The following VCL variants were observed in gnomAD, a reference collection of about 807,000 sequenced individuals.
The protein encoded by VCL is vinculin.
VCL carries 47 observed loss-of-function variants against 125.7 expected under a neutral mutation model. The observed-to-expected ratio is 0.37, with a 90% CI of 0.30 to 0.48. The LOEUF is 0.48. VCL is among the 20% of genes least tolerant of loss of function. The pLI, the probability that VCL is intolerant of heterozygous loss-of-function variation, is 0.99. For missense variants in VCL, 1,069 were observed against 1,455.5 expected, an observed-to-expected ratio of 0.73 and a Z score of 4.32; for synonymous variants, 458 against 514.6, an observed-to-expected ratio of 0.89 and a Z score of 1.49.
intron 16 of VCL, among the ~76,000 whole-genome samples, chr10:74,105,700 G>T (rs1490328605): frequency 6.6e-6 from 1 of 152,114 alleles, no homozygotes; most frequent in African/African-American, 2.4e-5. Flanking sequence ...GGGATTACAG[G>T]TGTGTGCCAC....
intron 8 of VCL, among the ~76,000 whole-genome samples, chr10:74,088,423 C>T (rs1020034796): frequency 2.0e-5 from 3 of 151,820 alleles, no homozygotes; most frequent in African/African-American, 4.8e-5. Context: ...TAGCTAGTTT[C>T]GATTATTTAT....
chr10:74,104,580 AAG>A (rs1264801006), intron 15 of VCL, among the ~76,000 whole-genome samples: 1 of 152,086 alleles, frequency 6.6e-6, no homozygotes, highest in Non-Finnish European at 1.5e-5. Context: ...GAGGTGTCTG[AAG>A]AGAGGTAACA....
At chr10:74,088,538 T>C (rs1035626248) in intron 8 of VCL, among the ~76,000 whole-genome samples, 11 of 152,208 alleles carry the variant, frequency 7.2e-5, no homozygotes, top group African/African-American at 2.7e-4. Flanking sequence ...TTATTGCCAG[T>C]GTTTTCAAGT....
intron 1 of VCL, among the ~76,000 whole-genome samples, chr10:74,025,695 G>GAA (rs2136236589): frequency 3.5e-5 from 4 of 114,574 alleles, no homozygotes; most frequent in Admixed American, 1.8e-4. Context: ...AGGGAGGGAG[G>GAA]GAGGAAGGAA....
At chr10:74,017,501 T>A (rs1840571441) in intron 1 of VCL, among the ~76,000 whole-genome samples, 1 of 152,044 alleles carries the variant, frequency 6.6e-6, no homozygotes, top group Non-Finnish European at 1.5e-5. Flanking sequence ...TTAAGAGGCC[T>A]GAACTCTGTC....
chr10:74,042,515 G>A (rs1841113237), intron 1 of VCL, among the ~76,000 whole-genome samples: 1 of 152,068 alleles, frequency 6.6e-6, no homozygotes, highest in Non-Finnish European at 1.5e-5. Flanking sequence ...TTCCATTGTT[G>A]CATTCAGCAT....
Position 74,114,277 on chromosome 10 carries a change from CTCAT to C in VCL, c.3047_3050del (p.Ile1016SerfsTer13). 1 of 1,614,126 alleles carries C rather than the reference CTCAT, an allele frequency of 6.2e-7. No homozygotes were observed. Among genetic ancestry groups the C allele is most frequent in the African/African-American group, 1.3e-5 (1 of 75,012 alleles). On this transcript the variant is annotated frameshift_variant, in exon 20 of 22. Transcript: ENST00000211998. LOFTEE classifies it high-confidence loss of function. ...AGGGGGCAGTGGTACCAAGCGGGCA[CTCAT>C]TCAGTGTGCCAAGGACATCGCCAAG...
chr10:74,070,301 G>C (rs922693001), intron 2 of VCL, among the ~76,000 whole-genome samples: 8 of 152,170 alleles, frequency 5.3e-5, no homozygotes, highest in Non-Finnish European at 2.9e-5. Context: ...GAGGAATAAG[G>C]AAACAAAGGC....
rs936254414 is a variant in VCL at position 74,074,788 on chromosome 10, T to C, written c.668T>C (p.Ile223Thr). Reference protein sequence around the residue: ...VTTKNSKNQGIEEALKNRNFT... With the variant: ...VTTKNSKNQGTEEALKNRNFT... The stretch of plus-strand genomic sequence containing the variant: ...ACTAAAAACTCAAAAAACCAAGGCA[T>C]AGAGGAAGCTTTAAAAAATCGCAAT... The change falls in exon 6 of 22, where the codon ATA (isoleucine) becomes ACA (threonine). Residue 223 changes from isoleucine (I) to threonine (T), a missense_variant. Ile to Thr is a moderately conservative substitution (Grantham distance 89). Coordinates refer to ENST00000211998, the MANE Select transcript of VCL (RefSeq NM_014000.3). 3.1e-6 allele frequency: 5 copies of C among 1,614,098 alleles called. No individual in the cohort carries two copies. Among genetic ancestry groups the C allele is most frequent in the Admixed American group, 1.7e-5 (1 of 60,008 alleles).
At chr10:74,052,370 GTTAGT>G (rs1841315197) in intron 2 of VCL, among the ~76,000 whole-genome samples, 1 of 138,434 alleles carries the variant, frequency 7.2e-6, no homozygotes, top group Non-Finnish European at 1.6e-5. Context: ...CAATTCTTCA[GTTAGT>G]TTTTTTTTTT....
chr10:74,017,026 C>T (rs1019863414), intron 1 of VCL: 2 of 148,788 alleles, frequency 1.3e-5, no homozygotes, highest in South Asian at 2.1e-4. Context: ...CAAGTTGTAG[C>T]ATATGTCAGA....
At position 74,090,078 on chromosome 10, in the gene VCL, C is replaced by G; in HGVS notation, c.1232C>G (p.Ala411Gly). ...GAAGGAGAAGAGCAGATTCGAGGTG[C>G]TTTGGCTGAAGCTCGGAAAATAGCA... is the stretch of plus-strand genomic sequence containing the variant. ...GPEGEEQIRG[A>G]LAEARKIAEL... Residue 411 changes from alanine to glycine, a missense_variant, in exon 10 of 22, where the codon GCT becomes GGT. This residue lies in a region of VCL where 760 missense variants were observed against 928.9 expected (regional missense o/e 0.82). Transcript: ENST00000211998. The G allele has an allele frequency of 6.2e-7, 1 of 1,614,150 alleles. No homozygotes were observed. The highest frequency in any genetic ancestry group is 2.2e-5 in the East Asian group (1 of 44,878).
At chr10:74,110,157 TTA>T (rs1840198465) in intron 18 of VCL, among the ~76,000 whole-genome samples, 1 of 152,206 alleles carries the variant, frequency 6.6e-6, no homozygotes, top group South Asian at 2.1e-4. Flanking sequence ...ACCTGTAGAA[TTA>T]TTTATAATGG....
At chr10:74,077,509 T>G (rs940796264) in intron 6 of VCL, 1 of 174,374 alleles carries the variant, frequency 5.7e-6, no homozygotes, top group Non-Finnish European at 1.3e-5. Flanking sequence ...TGGCTCTTTT[T>G]CAGTTTTGTA....
intron 1 of VCL, among the ~76,000 whole-genome samples, chr10:74,008,633 C>T (rs1840362096): frequency 6.6e-6 from 1 of 152,218 alleles, no homozygotes; most frequent in Non-Finnish European, 1.5e-5. Context: ...AGTTGATCTG[C>T]TGCTTTTTTG....
In VCL at chr10:74,070,728, T is replaced by C; in HGVS notation, c.298T>C (p.Tyr100His). The C allele has an allele frequency of 1.2e-6, 2 of 1,614,208 alleles. No individual in the cohort carries two copies. Among genetic ancestry groups the C allele is most frequent in the Non-Finnish European group, 1.7e-6 (2 of 1,180,044 alleles). The change falls in exon 3 of 22, where the codon TAC becomes CAC. Residue 100 changes from tyrosine (Y) to histidine (H), a missense_variant. By Grantham distance (83) the Tyr-to-His change is moderately conservative. This residue lies in a region of VCL where 96 missense variants were observed against 137.6 expected (regional missense o/e 0.70). Coordinates refer to ENST00000211998, the MANE Select transcript of VCL (RefSeq NM_014000.3). Reference protein sequence around the residue: ...QAAQMLQSDPYSVPARDYLID... With the variant: ...QAAQMLQSDPHSVPARDYLID... ...AGCTCAGATGCTTCAGTCAGACCCT[T>C]ACTCAGTGCCTGCTCGAGATTATCT...
chr10:74,083,638 G>T (rs1292435322), intron 8 of VCL, 125 bp downstream of exon 8: 1 of 1,189,184 alleles, frequency 8.4e-7, no homozygotes, highest in East Asian at 2.6e-5. Flanking sequence ...AGATATTATA[G>T]TCTATTAAAT....
chr10:74,118,499 CT>C lies in VCL; in HGVS notation c.*332del. On this transcript the variant is annotated 3_prime_UTR_variant, in exon 22 of 22. Transcript: ENST00000211998. Reference sequence around the variant, plus strand: ...CACTAGCCAGACACTCTGCTCTGCCCTTGTTCCCTAGGGGACACTTCCCTCT... The same window carrying C: ...CACTAGCCAGACACTCTGCTCTGCCCTGTTCCCTAGGGGACACTTCCCTCT... 1 of 380,974 alleles carries C rather than the reference CT, an allele frequency of 2.6e-6. No individual in the cohort carries two copies. The highest frequency in any genetic ancestry group is 2.3e-5 in the South Asian group (1 of 44,308). The allele number at this position is 380,974 out of a possible 1,614,324, so 23.6% of individuals were successfully genotyped here.
intron 1 of VCL, among the ~76,000 whole-genome samples, chr10:74,009,747 C>A (rs1048795784): frequency 1.3e-5 from 2 of 150,896 alleles, no homozygotes; most frequent in Non-Finnish European, 3.0e-5. Flanking sequence ...GTAGCTGGGA[C>A]TACAGGCATG....
Sources: gnomAD v4.1 joint callset for allele counts (sites outside exome capture counted in the v4.1 genomes callset) on GRCh38, gnomAD v4.1.1 for gene constraint, gnomAD v4.1.1 regional missense constraint, MANE v1.5 for transcripts, NCBI Gene and HGNC (gene_info 2026-07-23, HGNC 2026-07-21) for gene names.